Variants in IGF1R observed in about 807,000 individuals in gnomAD.
IGF1R encodes insulin-like growth factor 1 receptor.
IGF1R carries 44 observed loss-of-function variants against 144.6 expected under a neutral mutation model. That is an observed-to-expected ratio of 0.30 (90% confidence interval 0.24 to 0.39). IGF1R has a LOEUF of 0.39. Among genes scored for constraint, IGF1R ranks in the 10% least tolerant of loss-of-function variants. The probability of loss-of-function intolerance (pLI) is 1.00; values close to 1 mark genes in which losing one functional copy is unlikely to be tolerated. For synonymous variants in IGF1R, 795 were observed against 722.8 expected (o/e 1.10, Z -1.60); for missense variants, 1,355 against 1,833.7 (o/e 0.74, Z 4.77).
At chr15:98,770,450 T>C (rs2055556642) in intron 2 of IGF1R, among the ~76,000 whole-genome samples, 1 of 152,170 alleles carries the variant, frequency 6.6e-6, no homozygotes, top group African/African-American at 2.4e-5. Context: ...TATTTCCAAA[T>C]AGCTAGAAGG....
intron 10 of IGF1R, 43 bp downstream of exon 10, chr15:98,916,919 T>C (rs2015277654): frequency 1.3e-6 from 2 of 1,550,890 alleles, no homozygotes; most frequent in Non-Finnish European, 1.8e-6. Context: ...AACCCACTGC[T>C]CAGGCCGGTT....
At chr15:98,788,687 G>A (rs2056062613) in intron 2 of IGF1R, among the ~76,000 whole-genome samples, 1 of 152,198 alleles carries the variant, frequency 6.6e-6, no homozygotes, top group African/African-American at 2.4e-5. Flanking sequence ...GCTGAGGTCT[G>A]ACAGCTCTGG....
intron 2 of IGF1R, chr15:98,820,805 A>C (rs981944951): frequency 2.0e-5 from 3 of 152,238 alleles, no homozygotes; most frequent in Non-Finnish European, 4.4e-5. Context: ...TCAGAATGTG[A>C]ATAAACTGAC....
intron 1 of IGF1R, among the ~76,000 whole-genome samples, chr15:98,680,459 C>T (rs998805929): frequency 6.6e-5 from 10 of 151,720 alleles, no homozygotes; most frequent in Admixed American, 2.6e-4. Context: ...GTGGAGACAG[C>T]GTTGCACCGT....
chr15:98,882,712 T>C (rs763662235), intron 2 of IGF1R, among the ~76,000 whole-genome samples: 23 of 152,198 alleles, frequency 1.5e-4, no homozygotes, highest in Non-Finnish European at 2.8e-4. Flanking sequence ...TCCTTGCCCC[T>C]TCTGTATACC....
chr15:98,963,403 C>T lies in IGF1R; in HGVS notation c.*5961C>T. 1 of 233,300 alleles carries T rather than the reference C, an allele frequency of 4.3e-6. No individual in the cohort carries two copies. The highest frequency in any genetic ancestry group is 1.8e-4 in the South Asian group (1 of 5,532). 14.5% of individuals were successfully genotyped at this position (233,300 alleles called of 1,614,324 possible). On this transcript the variant is annotated 3_prime_UTR_variant, in exon 21 of 21. Coordinates refer to ENST00000650285, the MANE Select transcript of IGF1R (RefSeq NM_000875.5). ...TCTTCAGTATCTTGGTCTTCCAGAA[C>T]CCTCTGGTTGGGAAGGGGATCATTT...
At chr15:98,688,252 C>A (rs1315420880) in intron 1 of IGF1R, among the ~76,000 whole-genome samples, 1 of 151,708 alleles carries the variant, frequency 6.6e-6, no homozygotes, top group Non-Finnish European at 1.5e-5. Context: ...AGTTCTCCCA[C>A]CACCCCCTTC....
chr15:98,913,843 G>A (rs1373439811), intron 8 of IGF1R, among the ~76,000 whole-genome samples: 1 of 152,216 alleles, frequency 6.6e-6, no homozygotes, highest in Non-Finnish European at 1.5e-5. Flanking sequence ...TCTGGAAACA[G>A]TAAAAGCAAA....
chr15:98,858,511 C>A (rs188595201), intron 2 of IGF1R, among the ~76,000 whole-genome samples: 1 of 152,170 alleles, frequency 6.6e-6, no homozygotes, highest in Non-Finnish European at 1.5e-5. Flanking sequence ...CCAACTTAAT[C>A]CTCCCTCTCC....
intron 2 of IGF1R, among the ~76,000 whole-genome samples, chr15:98,862,490 A>T (rs972580340): frequency 6.6e-6 from 1 of 152,246 alleles, no homozygotes; most frequent in African/African-American, 2.4e-5. Flanking sequence ...ACCAGCCTGA[A>T]TAAACTCCAG....
At chr15:98,926,855 T>TA (rs2015741237) in intron 13 of IGF1R, among the ~76,000 whole-genome samples, 1 of 152,204 alleles carries the variant, frequency 6.6e-6, no homozygotes, top group Admixed American at 6.5e-5. Flanking sequence ...TCTCACCAGT[T>TA]AGTCTATGCC....
intron 2 of IGF1R, among the ~76,000 whole-genome samples, chr15:98,731,474 T>C (rs1403191198): frequency 6.6e-6 from 1 of 152,236 alleles, no homozygotes; most frequent in Admixed American, 6.5e-5. Flanking sequence ...CAGTGAACTT[T>C]CCAAAAGATG....
intron 2 of IGF1R, among the ~76,000 whole-genome samples, chr15:98,873,231 C>T (rs1286692893): frequency 1.3e-5 from 2 of 152,158 alleles, no homozygotes; most frequent in African/African-American, 4.8e-5. Flanking sequence ...TGAGGCACAT[C>T]AACATTTTCC....
intron 15 of IGF1R, 80 bp downstream of exon 15, chr15:98,930,385 A>C: frequency 1.1e-6 from 1 of 912,256 alleles, no homozygotes; most frequent in Non-Finnish European, 1.8e-6. Flanking sequence ...TAATTTGGGA[A>C]AGGAAGGAGG....
chr15:98,916,707 A>G lies in IGF1R; in HGVS notation c.2032A>G (p.Ile678Val), dbSNP rs1427727457. The change falls in exon 10 of 21, where the codon ATC (isoleucine) becomes GTC (valine). Residue 678 changes from isoleucine to valine, a missense_variant. Around this residue, in one of 7 missense-constraint regions of IGF1R, gnomAD observed 880 missense variants for 1,202.7 expected, o/e 0.73. Transcript: ENST00000650285. ...CATCAGGAAGTATGCCGACGGCACC[A>G]TCGACATTGAGGAGGTCACAGAGAA... ...IPIRKYADGTIDIEEVTENPK... is the reference protein window; with the variant it reads ...IPIRKYADGTVDIEEVTENPK... 3.1e-6 allele frequency: 5 copies of G among 1,614,090 alleles called. No individual in the cohort carries two copies. Among genetic ancestry groups the G allele is most frequent in the Admixed American group, 1.7e-5 (1 of 60,020 alleles).
chr15:98,840,870 G>A (rs1195460998), intron 2 of IGF1R, among the ~76,000 whole-genome samples: 2 of 151,956 alleles, frequency 1.3e-5, no homozygotes, highest in African/African-American at 2.4e-5. Context: ...TAGTAGAGAC[G>A]GGGTTTCACC....
intron 4 of IGF1R, among the ~76,000 whole-genome samples, 175 bp from the exon 5 acceptor site, chr15:98,899,302 T>C (rs1005163308): frequency 6.6e-6 from 1 of 152,188 alleles, no homozygotes; most frequent in African/African-American, 2.4e-5. Flanking sequence ...CCAGGAGTCG[T>C]TGTTGAGAGT....
At chr15:98,653,199 G>A (rs2052411205) in intron 1 of IGF1R, among the ~76,000 whole-genome samples, 1 of 152,010 alleles carries the variant, frequency 6.6e-6, no homozygotes, top group African/African-American at 2.4e-5. Flanking sequence ...TTGAGGAGCT[G>A]GATTTAAAAA....
At position 98,649,685 on chromosome 15, in the gene IGF1R, T is replaced by A; in HGVS notation, c.94+10T>A. The A allele has an allele frequency of 6.3e-7, 1 of 1,599,422 alleles. No individual in the cohort carries two copies. Among genetic ancestry groups the A allele is most frequent in the East Asian group, 2.2e-5 (1 of 44,546 alleles). ...CCGACGAGTGGAGAAAGTGAGTATG[T>A]GCCCGCCGCCCGCGGCCACTGCGGG... On this transcript the variant is annotated intron_variant, in intron 1 of 20. Coordinates refer to ENST00000650285, the MANE Select transcript of IGF1R (RefSeq NM_000875.5).
Sources: allele counts gnomAD v4.1 joint callset (sites outside exome capture counted in the v4.1 genomes callset), GRCh38; gene constraint gnomAD v4.1.1; regional missense constraint gnomAD v4.1.1; transcripts MANE v1.5; gene names NCBI Gene and HGNC (gene_info 2026-07-23, HGNC 2026-07-21).